PEBP4: variants seen among roughly 807,000 people sequenced by gnomAD.
PEBP4 encodes phosphatidylethanolamine-binding protein 4.
A neutral mutation model predicts 23.9 loss-of-function variants in PEBP4; 22 were observed. The observed-to-expected ratio is 0.92, with a 90% CI of 0.66 to 1.31. The LOEUF (loss-of-function observed/expected upper bound fraction) is 1.31, where lower values mean the gene tolerates loss of function less well. Among genes scored for constraint, PEBP4 ranks in the 40% most tolerant of loss-of-function variants. The pLI, the probability that PEBP4 is intolerant of heterozygous loss-of-function variation, is 0.00. For missense variants in PEBP4, 324 were observed against 281.7 expected (o/e 1.15, Z -1.07); for synonymous variants, 112 against 99.3 (o/e 1.13, Z -0.76).
chr8:22,751,512 T>C lies in PEBP4; in HGVS notation c.358-24292A>G, dbSNP rs116197978. On this transcript the variant is annotated intron_variant, in intron 4 of 6. Coordinates refer to ENST00000256404, the MANE Select transcript of PEBP4 (RefSeq NM_144962.3). ...GGATTTTCCCTTTCTCCTAAATCGG[T>C]GGTAGATAGAGAGGCCCCAAATCAT... 5.5e-3 allele frequency among the ~76,000 whole-genome samples: 841 copies of C among 151,834 alleles called. 11 individuals carry two copies. Among genetic ancestry groups the C allele is most frequent in the African/African-American group, 0.02 (812 of 41,346 alleles).
chr8:22,877,468 G>A (rs982239632), intron 3 of PEBP4, among the ~76,000 whole-genome samples: 1 of 152,156 alleles, frequency 6.6e-6, no homozygotes, highest in African/African-American at 2.4e-5. Flanking sequence ...CTACATTCTT[G>A]GGCAGAGCCA....
At chr8:22,855,592 T>A (rs1807629849) in intron 3 of PEBP4, among the ~76,000 whole-genome samples, 1 of 152,156 alleles carries the variant, frequency 6.6e-6, no homozygotes, top group African/African-American at 2.4e-5. Context: ...AAGTATTATG[T>A]CCCTGGAACT....
intron 4 of PEBP4, among the ~76,000 whole-genome samples, chr8:22,806,977 T>C (rs1806508312): frequency 6.6e-6 from 1 of 152,220 alleles, no homozygotes; most frequent in Admixed American, 6.5e-5. Flanking sequence ...GTGCACTGTT[T>C]TCTTTTCTAT....
Position 22,734,536 on chromosome 8 carries a change from T to G in PEBP4, c.358-7316A>C, listed in dbSNP as rs372626739. Among the ~76,000 whole-genome samples the G allele has an allele frequency of 3.6e-4, 55 of 152,304 alleles. 4 individuals carry two copies. In the East Asian group the frequency reaches 5.4e-3, roughly 15 times the overall value. Reference sequence around the variant, plus strand: ...CACCTTCATGGGCAGTGGGGACAGCTTGGTGAATATCATCTTAGGAGATGC... The same window carrying G: ...CACCTTCATGGGCAGTGGGGACAGCGTGGTGAATATCATCTTAGGAGATGC... On this transcript the variant is annotated intron_variant, in intron 4 of 6. Coordinates refer to ENST00000256404, the MANE Select transcript of PEBP4 (RefSeq NM_144962.3).
At chr8:22,827,116 T>G (rs750012225) in intron 3 of PEBP4, among the ~76,000 whole-genome samples, 1 of 152,166 alleles carries the variant, frequency 6.6e-6, no homozygotes, top group Non-Finnish European at 1.5e-5. Flanking sequence ...GAGCAGGGCA[T>G]GAGCAAGGTG....
At chr8:22,785,010 C>A (rs986625271) in intron 4 of PEBP4, among the ~76,000 whole-genome samples, 2 of 152,136 alleles carry the variant, frequency 1.3e-5, no homozygotes, top group African/African-American at 4.8e-5. Flanking sequence ...GCACGGTTTG[C>A]GCATGTGAGC....
chr8:22,721,833 C>T (rs971263221), intron 6 of PEBP4, among the ~76,000 whole-genome samples: 1 of 152,188 alleles, frequency 6.6e-6, no homozygotes, highest in South Asian at 2.1e-4. Flanking sequence ...AGCACTGGTC[C>T]AGCCCTGGGC....
At chr8:22,879,664 G>C (rs1002467613) in intron 3 of PEBP4, among the ~76,000 whole-genome samples, 2 of 152,214 alleles carry the variant, frequency 1.3e-5, no homozygotes, top group Non-Finnish European at 2.9e-5. Context: ...GGGTCGGGGA[G>C]GACAGGGAGC....
intron 3 of PEBP4, among the ~76,000 whole-genome samples, chr8:22,880,273 C>T (rs1201687617): frequency 2.0e-5 from 3 of 152,202 alleles, no homozygotes; most frequent in African/African-American, 7.2e-5. Flanking sequence ...TGACCTTAGC[C>T]ACCTCAACTA....
intron 3 of PEBP4, among the ~76,000 whole-genome samples, chr8:22,900,149 T>C (rs1225971285): frequency 6.6e-6 from 1 of 152,138 alleles, no homozygotes; most frequent in African/African-American, 2.4e-5. Flanking sequence ...GCTGGAAACA[T>C]GTGACAGGCT....
Position 22,769,188 on chromosome 8 carries a change from C to T in PEBP4, c.358-41968G>A, listed in dbSNP as rs114779090. Among the ~76,000 whole-genome samples, 1,449 of 152,324 alleles carry T rather than the reference C, an allele frequency of 9.5e-3. 23 individuals carry two copies. Among genetic ancestry groups the T allele is most frequent in the African/African-American group, 0.032 (1,336 of 41,566 alleles). The stretch of plus-strand genomic sequence containing the variant: ...CTTGGCCTCAGTGCCCCTCAGTGCC[C>T]CCTCAGCCTCACGCTCCCTGGGCAC... On this transcript the variant is annotated intron_variant, in intron 4 of 6. Coordinates refer to ENST00000256404, the MANE Select transcript of PEBP4 (RefSeq NM_144962.3).
chr8:22,784,317 C>A (rs1585270450), intron 4 of PEBP4, among the ~76,000 whole-genome samples: 1 of 152,120 alleles, frequency 6.6e-6, no homozygotes, highest in African/African-American at 2.4e-5. Context: ...ACAGCACACT[C>A]GGAGTGGGGG....
At position 22,794,259 on chromosome 8, in the gene PEBP4, C is replaced by T. The variant is rs576882920; in HGVS notation, c.357+23378G>A. On this transcript the variant is annotated intron_variant, in intron 4 of 6. Transcript: ENST00000256404. ...ATGCACTTTATAGACTGCCTTATTT[C>T]TTACTTCTTTCAACAACCCTGTGAG... Among the ~76,000 whole-genome samples, 8 of 151,948 alleles carry T rather than the reference C, an allele frequency of 5.3e-5. No individual in the cohort carries two copies. The South Asian group carries it at 1.0e-3, about 20-fold the overall frequency.
intron 4 of PEBP4, among the ~76,000 whole-genome samples, chr8:22,730,574 C>T (rs985829289): frequency 2.0e-5 from 3 of 152,142 alleles, no homozygotes; most frequent in Non-Finnish European, 2.9e-5. Flanking sequence ...TTCTAGCCTG[C>T]GATCACCCTA....
upstream of PEBP4, among the ~76,000 whole-genome samples, chr8:22,929,400 C>T (rs985652282): frequency 5.3e-5 from 8 of 152,236 alleles, no homozygotes; most frequent in African/African-American, 9.6e-5. Flanking sequence ...GAAGTCTCAA[C>T]TTTTCTGGGT....
chr8:22,756,758 G>A (rs1002471496), intron 4 of PEBP4, among the ~76,000 whole-genome samples: 8 of 152,120 alleles, frequency 5.3e-5, no homozygotes, highest in African/African-American at 1.2e-4. Context: ...TGGGAATTTC[G>A]GCTTGCCAAG....
chr8:22,854,534 G>A (rs558764869), intron 3 of PEBP4, among the ~76,000 whole-genome samples: 4 of 152,196 alleles, frequency 2.6e-5, no homozygotes, highest in African/African-American at 4.8e-5. Flanking sequence ...CCACCTCCAC[G>A]ACTGCCAGTA....
intron 6 of PEBP4, among the ~76,000 whole-genome samples, chr8:22,722,372 G>A (rs1229411953): frequency 6.6e-6 from 1 of 152,172 alleles, no homozygotes; most frequent in Admixed American, 6.5e-5. Context: ...GGCCCAGCGA[G>A]GTTCATTGAT....
At chr8:22,863,010 C>G (rs961087722) in intron 3 of PEBP4, among the ~76,000 whole-genome samples, 1 of 152,024 alleles carries the variant, frequency 6.6e-6, no homozygotes, top group Non-Finnish European at 1.5e-5. Context: ...CCATGTTAGC[C>G]AGGATGGTCT....
Sources: allele counts gnomAD v4.1 joint callset (sites outside exome capture counted in the v4.1 genomes callset), GRCh38; gene constraint gnomAD v4.1.1; transcripts MANE v1.5; gene names NCBI Gene and HGNC (gene_info 2026-07-23, HGNC 2026-07-21).